CXADR: variants seen among roughly 807,000 people sequenced by gnomAD.
The protein encoded by CXADR is CXADR cell adhesion molecule, also known as coxsackievirus and adenovirus receptor.
Under a neutral mutation model 40.3 loss-of-function variants are expected in CXADR, and 20 were observed. The ratio of observed to expected loss-of-function variants is 0.50; its 90% CI spans 0.35 to 0.72. The LOEUF (loss-of-function observed/expected upper bound fraction) is 0.72. CXADR is among the 30% of genes least tolerant of loss of function. The pLI, the probability that CXADR is intolerant of heterozygous loss-of-function variation, is 0.01. For synonymous variants in CXADR, 150 were observed against 161.3 expected (o/e 0.93, Z 0.53); for missense variants, 332 against 449.1 (o/e 0.74, Z 2.36).
At chr21:17,530,421 T>G (rs1159811994) in intron 1 of CXADR, 1 of 456,414 alleles carries the variant, frequency 2.2e-6, no homozygotes, top group African/African-American at 2.0e-5. Context: ...TTTATTCATT[T>G]GCATTGCTGT....
chr21:17,583,936 C>T (rs1471868939), intron 7 of CXADR, among the ~76,000 whole-genome samples: 2 of 152,148 alleles, frequency 1.3e-5, no homozygotes, highest in African/African-American at 4.8e-5. Context: ...GGATCTTAAC[C>T]TCCTTCCTTC....
chr21:17,618,050 A>T, the CXADR span, among the ~76,000 whole-genome samples: 1 of 152,196 alleles, frequency 6.6e-6, no homozygotes, highest in East Asian at 1.9e-4. Flanking sequence ...AGTAGATTTT[A>T]TCTCAAAACA....
In CXADR at chr21:17,569,816, C is replaced by T. The variant is rs2061261544; in HGVS notation, c.*4124C>T. 2 of 985,116 alleles carry T rather than the reference C, an allele frequency of 2.0e-6. No homozygotes were observed. The highest frequency in any genetic ancestry group is 1.7e-5 in the African/African-American group (1 of 57,210). The allele number at this position is 985,116 out of a possible 1,614,324, so 61.0% of individuals were successfully genotyped here. On this transcript the variant is annotated 3_prime_UTR_variant, in exon 7 of 7. Coordinates refer to ENST00000284878, the MANE Select transcript of CXADR (RefSeq NM_001338.5). ...TGTTTTCTGCTAACTTATTTAATGA[C>T]ACAAGTTTTAAGAGAACCACAATTC...
intron 7 of CXADR, among the ~76,000 whole-genome samples, chr21:17,590,228 A>ATTTTT (rs35390860): frequency 6.8e-6 from 1 of 146,468 alleles, no homozygotes; most frequent in Non-Finnish European, 1.5e-5. Flanking sequence ...GTAGCTAGGT[A>ATTTTT]TTTTTTTTTT....
At chr21:17,585,519 TA>T (rs1292356283) in intron 7 of CXADR, among the ~76,000 whole-genome samples, 3 of 151,060 alleles carry the variant, frequency 2.0e-5, no homozygotes, top group Non-Finnish European at 4.4e-5. Flanking sequence ...TCTGGGTGTT[TA>T]ATTATTATTT....
At chr21:17,577,612 CTTTT>C (rs532541050) in intron 7 of CXADR, among the ~76,000 whole-genome samples, 993 of 36,530 alleles carry the variant, frequency 0.027, 15 homozygotes, top group African/African-American at 0.065. Context: ...ATTCTGCAAG[CTTTT>C]TTTTTTTTTT....
chr21:17,557,865 G>A (rs2061056002), intron 3 of CXADR, among the ~76,000 whole-genome samples: 1 of 152,074 alleles, frequency 6.6e-6, no homozygotes, highest in Non-Finnish European at 1.5e-5. Context: ...GGGTTGGAGT[G>A]GTGCTTAATG....
chr21:17,601,640 T>C, the CXADR span, among the ~76,000 whole-genome samples: 1 of 152,182 alleles, frequency 6.6e-6, no homozygotes, highest in Admixed American at 6.5e-5. Flanking sequence ...CAATACACAT[T>C]TACTCCATGT....
intron 1 of CXADR, among the ~76,000 whole-genome samples, chr21:17,532,249 T>C (rs1199467593): frequency 6.6e-6 from 1 of 152,188 alleles, no homozygotes; most frequent in African/African-American, 2.4e-5. Flanking sequence ...TTTCTAGGTC[T>C]CATTCTTTTT....
intron 6 of CXADR, 36 bp from the exon 7 acceptor site, chr21:17,565,389 CTTA>C: frequency 6.3e-7 from 1 of 1,596,366 alleles, no homozygotes. Flanking sequence ...TTTTTAGAAA[CTTA>C]TTCTCTTGAC....
chr21:17,590,592 CCATA>C (rs2061428122), intron 7 of CXADR, among the ~76,000 whole-genome samples: 2 of 152,104 alleles, frequency 1.3e-5, no homozygotes, highest in African/African-American at 4.8e-5. Flanking sequence ...CCATAAAGTG[CCATA>C]TGCAATGCAG....
intron 7 of CXADR, among the ~76,000 whole-genome samples, chr21:17,585,157 T>C (rs1381199915): frequency 6.6e-6 from 1 of 152,164 alleles, no homozygotes; most frequent in African/African-American, 2.4e-5. Flanking sequence ...ACTTGGCTGT[T>C]TATTTCTGGA....
intron 1 of CXADR, among the ~76,000 whole-genome samples, chr21:17,542,719 T>C (rs2060844827): frequency 6.6e-6 from 1 of 152,246 alleles, no homozygotes; most frequent in Non-Finnish European, 1.5e-5. Context: ...TCCTGAATTA[T>C]AAATTTGAAT....
chr21:17,521,901 G>T (rs1356177658), intron 1 of CXADR, among the ~76,000 whole-genome samples: 1 of 152,142 alleles, frequency 6.6e-6, no homozygotes, highest in Non-Finnish European at 1.5e-5. Flanking sequence ...GCTTCTCAGG[G>T]ATGTCACTCT....
chr21:17,634,713 C>A, the CXADR span, among the ~76,000 whole-genome samples: 7 of 152,126 alleles, frequency 4.6e-5, no homozygotes, highest in African/African-American at 1.7e-4. Context: ...TAGAGATGTG[C>A]TAAATGTCTT....
At chr21:17,524,051 T>TGC (rs953916777) in intron 1 of CXADR, among the ~76,000 whole-genome samples, 4 of 151,300 alleles carry the variant, frequency 2.6e-5, no homozygotes, top group African/African-American at 9.7e-5. Flanking sequence ...TGCGTGTGTG[T>TGC]GTGTGTGTGT....
the CXADR span, among the ~76,000 whole-genome samples, chr21:17,621,966 G>A: frequency 1.3e-5 from 2 of 152,194 alleles, no homozygotes; most frequent in South Asian, 4.1e-4. Context: ...TTTGTATGTG[G>A]TTGGGCTCCC....
intron 3 of CXADR, among the ~76,000 whole-genome samples, chr21:17,553,081 C>T (rs182395784): frequency 6.6e-6 from 1 of 152,108 alleles, no homozygotes. Context: ...CACCACCACG[C>T]CTGGCTAATT....
rs192367943 is a variant in CXADR, at chr21:17,556,704, G to T, written c.416-2272G>T. Among the ~76,000 whole-genome samples the T allele has an allele frequency of 3.4e-3, 518 of 152,242 alleles. 2 individuals carry two copies. Among genetic ancestry groups the T allele is most frequent in the South Asian group, 7.1e-3 (34 of 4,818 alleles). On this transcript the variant is annotated intron_variant, in intron 3 of 6. Transcript: ENST00000284878. ...AATTGATGTAGTCTCCAGAGCACCTGGTCAGATTGAAAAATAAACAGATTT... is the reference window on the plus strand; with the variant it reads ...AATTGATGTAGTCTCCAGAGCACCTTGTCAGATTGAAAAATAAACAGATTT...
Sources: gnomAD v4.1 joint callset for allele counts (sites outside exome capture counted in the v4.1 genomes callset) on GRCh38, gnomAD v4.1.1 for gene constraint, MANE v1.5 for transcripts, NCBI Gene and HGNC (gene_info 2026-07-23, HGNC 2026-07-21) for gene names.